The following GATB variants were observed in gnomAD, a reference collection of about 807,000 sequenced individuals.
GATB encodes the protein glutamyl-tRNA amidotransferase subunit B.
GATB carries 39 observed loss-of-function variants against 62.3 expected under a neutral mutation model. The ratio of observed to expected loss-of-function variants is 0.63; its 90% CI spans 0.48 to 0.82. The LOEUF (loss-of-function observed/expected upper bound fraction) is 0.82, where lower values mean the gene tolerates loss of function less well. Among genes scored for constraint, GATB ranks in the 40% least tolerant of loss-of-function variants. The pLI, the probability that GATB is intolerant of heterozygous loss-of-function variation, is 0.00. For missense variants in GATB, 670 were observed against 684.0 expected, an observed-to-expected ratio of 0.98 and a Z score of 0.23; for synonymous variants, 276 against 258.9, an observed-to-expected ratio of 1.07 and a Z score of -0.63.
At chr4:151,719,302 G>A (rs1188712006) in intron 3 of GATB, 123 bp downstream of exon 3, 2 of 682,104 alleles carry the variant, frequency 2.9e-6, no homozygotes, top group Non-Finnish European at 5.1e-6. Flanking sequence ...TTCCTGCTGG[G>A]ATGGACACAG....
At chr4:151,740,999 T>C (rs867997948) in intron 2 of GATB, among the ~76,000 whole-genome samples, 1 of 152,146 alleles carries the variant, frequency 6.6e-6, no homozygotes, top group Admixed American at 6.5e-5. Context: ...AATGTGTTCA[T>C]ACTTTATTTT....
chr4:151,748,625 C>T (rs1158040841), intron 2 of GATB, among the ~76,000 whole-genome samples: 1 of 151,744 alleles, frequency 6.6e-6, no homozygotes, highest in African/African-American at 2.4e-5. Context: ...GTCTAAAACA[C>T]CAAAAGCAAT....
chr4:151,716,384 G>A lies in GATB; in HGVS notation c.641-253C>T, dbSNP rs543023444. The A allele has an allele frequency of 4.4e-5, 19 of 431,418 alleles. No individual in the cohort carries two copies. In the South Asian group the frequency reaches 6.1e-4, roughly 14 times the overall value. 26.7% of individuals were successfully genotyped at this position (431,418 alleles called of 1,614,324 possible). Reference sequence around the variant, plus strand: ...TGCAGCCCTGAACTTTTGAGCTCAAGTGATCCTCCCACCTCAGCCTCCTGA... The same window carrying A: ...TGCAGCCCTGAACTTTTGAGCTCAAATGATCCTCCCACCTCAGCCTCCTGA... On this transcript the variant is annotated intron_variant, in intron 4 of 12. Coordinates refer to ENST00000263985, the MANE Select transcript of GATB (RefSeq NM_004564.3).
intron 2 of GATB, among the ~76,000 whole-genome samples, chr4:151,746,813 T>C (rs1217250578): frequency 6.6e-6 from 1 of 152,024 alleles, no homozygotes; most frequent in East Asian, 1.9e-4. Context: ...AACAGGGAGA[T>C]GGAGGCAGGA....
intron 9 of GATB, among the ~76,000 whole-genome samples, chr4:151,698,510 G>A (rs974880633): frequency 2.6e-5 from 4 of 152,112 alleles, no homozygotes; most frequent in Non-Finnish European, 4.4e-5. Flanking sequence ...ACTCCTGGGC[G>A]CTCTTTAAAT....
In GATB at chr4:151,719,416, T is replaced by C. The variant is rs780755969; in HGVS notation, c.441+9A>G. The C allele has an allele frequency of 6.3e-7, 1 of 1,590,772 alleles. No individual in the cohort carries two copies. Among genetic ancestry groups the C allele is most frequent in the East Asian group, 2.2e-5 (1 of 44,582 alleles). On this transcript the variant is annotated intron_variant, in intron 3 of 12. Coordinates refer to ENST00000263985, the MANE Select transcript of GATB (RefSeq NM_004564.3). ...ACTTGCAGTGGGGTGGATCACAAAG[T>C]GTACTTACAGGGAGGTCTGCATAGA... is the stretch of plus-strand genomic sequence containing the variant.
intron 2 of GATB, among the ~76,000 whole-genome samples, chr4:151,752,281 T>A (rs1739736489): frequency 6.6e-6 from 1 of 152,208 alleles, no homozygotes; most frequent in Admixed American, 6.5e-5. Flanking sequence ...GCCTTCATGT[T>A]AGACTATTTT....
chr4:151,684,798 T>C (rs1358061203), intron 10 of GATB, among the ~76,000 whole-genome samples: 1 of 152,240 alleles, frequency 6.6e-6, no homozygotes, highest in East Asian at 1.9e-4. Context: ...TAGAATTGGG[T>C]ACCCTTCAGG....
At chr4:151,704,907 C>T (rs1289989424) in intron 7 of GATB, among the ~76,000 whole-genome samples, 1 of 151,698 alleles carries the variant, frequency 6.6e-6, no homozygotes, top group Non-Finnish European at 1.5e-5. Context: ...CATCACCATG[C>T]CCGGCTAATT....
At chr4:151,673,274 G>A (rs964248880) in intron 11 of GATB, 1 of 177,394 alleles carries the variant, frequency 5.6e-6, no homozygotes, top group African/African-American at 2.3e-5. Flanking sequence ...GCCGCGGGAG[G>A]CGTGGAGGTG....
At chr4:151,720,666 A>G (rs1739014342) in intron 2 of GATB, 1 of 152,198 alleles carries the variant, frequency 6.6e-6, no homozygotes, top group Admixed American at 6.5e-5. Flanking sequence ...TAAAATAAGG[A>G]ATCTGCATTA....
At chr4:151,693,215 G>C (rs769545150) in intron 9 of GATB, among the ~76,000 whole-genome samples, 11 of 152,160 alleles carry the variant, frequency 7.2e-5, no homozygotes, top group Non-Finnish European at 1.3e-4. Context: ...CCAAATGCTA[G>C]TGCTGGGGAT....
intron 11 of GATB, chr4:151,673,768 C>T (rs919792298): frequency 2.0e-5 from 3 of 152,174 alleles, no homozygotes; most frequent in Non-Finnish European, 2.9e-5. Flanking sequence ...AATTGGGAGC[C>T]GGGAGGAGGG....
intron 9 of GATB, among the ~76,000 whole-genome samples, chr4:151,690,341 T>C (rs1271854525): frequency 1.3e-5 from 2 of 152,290 alleles, no homozygotes; most frequent in African/African-American, 2.4e-5. Flanking sequence ...AGTGCTATTA[T>C]TCTGCTCATG....
In GATB at chr4:151,671,158, G is replaced by C. The variant is rs1175439782; in HGVS notation, c.*16C>G. 10 of 1,613,894 alleles carry C rather than the reference G, an allele frequency of 6.2e-6. No individual in the cohort carries two copies. Among genetic ancestry groups the C allele is most frequent in the Non-Finnish European group, 8.5e-6 (10 of 1,179,958 alleles). On this transcript the variant is annotated 3_prime_UTR_variant, in exon 13 of 13. Coordinates refer to ENST00000263985, the MANE Select transcript of GATB (RefSeq NM_004564.3). ...CTGTTTGTTGTTGTCCCTTGGGCAA[G>C]GGGATCCCAAACATCTCACAATGAC... is the stretch of plus-strand genomic sequence containing the variant.
Position 151,707,983 on chromosome 4 carries a change from T to A in GATB, c.877+5A>T, listed in dbSNP as rs1015724665. ...AGGACACTAGGAGCGGCAGCTGGCA[T>A]TCACCTATGGCTTTGGCCAGGAACC... On this transcript the variant is annotated splice_donor_5th_base_variant and intron_variant, in intron 6 of 12. Coordinates refer to ENST00000263985, the MANE Select transcript of GATB (RefSeq NM_004564.3). 1.9e-6 allele frequency: 3 copies of A among 1,588,172 alleles called. No individual in the cohort carries two copies. The South Asian group carries it at 3.3e-5, about 18-fold the overall frequency.
At chr4:151,711,746 C>G (rs897607772) in intron 5 of GATB, among the ~76,000 whole-genome samples, 2 of 152,212 alleles carry the variant, frequency 1.3e-5, no homozygotes, top group Admixed American at 6.5e-5. Flanking sequence ...GTGGCAGGAA[C>G]AACGCCTTTT....
chr4:151,705,133 C>A (rs1165968412), intron 7 of GATB, 52 bp downstream of exon 7: 23 of 1,277,468 alleles, frequency 1.8e-5, no homozygotes, highest in Non-Finnish European at 2.6e-5. Context: ...TGAGCCCAGC[C>A]CTCTCGCACC....
intron 9 of GATB, among the ~76,000 whole-genome samples, chr4:151,693,187 A>T (rs375230707): frequency 3.6e-4 from 54 of 150,972 alleles, no homozygotes; most frequent in African/African-American, 1.3e-3. Context: ...AAAAAAAAAA[A>T]TGGCCCTGAA....
Sources: allele counts gnomAD v4.1 joint callset (sites outside exome capture counted in the v4.1 genomes callset), GRCh38; gene constraint gnomAD v4.1.1; transcripts MANE v1.5; gene names NCBI Gene and HGNC (gene_info 2026-07-23, HGNC 2026-07-21).